The following RBFOX1 variants were observed in gnomAD, a reference collection of about 807,000 sequenced individuals.
The protein encoded by RBFOX1 is RNA binding protein fox-1 homolog 1.
In RBFOX1, 8 loss-of-function variants were observed where a neutral mutation model predicts 57.7. That is an observed-to-expected ratio of 0.14 (90% CI 0.08 to 0.25). The LOEUF (loss-of-function observed/expected upper bound fraction) is 0.25, where lower values mean the gene tolerates loss of function less well. Ranked by LOEUF, RBFOX1 falls within the 10% of genes least tolerant of loss-of-function variation. The pLI is 1.00. For synonymous variants in RBFOX1, 326 were observed against 222.4 expected (o/e 1.47, Z -4.15); for missense variants, 611 against 548.5 (o/e 1.11, Z -1.14).
At chr16:5,369,026 G>A (rs572219256) in intron 1 of RBFOX1, among the ~76,000 whole-genome samples, 15 of 152,248 alleles carry the variant, frequency 9.9e-5, no homozygotes, top group Non-Finnish European at 2.1e-4. Context: ...GTTTTGAGAC[G>A]AGTCTTGCTC....
chr16:5,608,116 G>T (rs2047651953), intron 3 of RBFOX1, among the ~76,000 whole-genome samples: 1 of 152,206 alleles, frequency 6.6e-6, no homozygotes, highest in South Asian at 2.1e-4. Context: ...TTGTTCCAGT[G>T]CTCATTCCCA....
intron 1 of RBFOX1, among the ~76,000 whole-genome samples, chr16:5,436,336 G>C (rs1169833872): frequency 6.6e-6 from 1 of 152,172 alleles, no homozygotes; most frequent in Non-Finnish European, 1.5e-5. Flanking sequence ...TGGTGGATTA[G>C]TTCAGGGGCT....
intron 3 of RBFOX1, among the ~76,000 whole-genome samples, chr16:6,772,555 G>A: frequency 6.6e-6 from 1 of 151,492 alleles, no homozygotes; most frequent in East Asian, 2.0e-4. Context: ...GTATGTGTAT[G>A]TGTGGGGTGC....
chr16:7,709,366 G>C, intron 15 of RBFOX1: 1 of 1,111,764 alleles, frequency 9.0e-7, no homozygotes. Context: ...GTCTCACCTA[G>C]CAGAGCACTT....
chr16:7,140,444 A>G (rs2073454240), intron 4 of RBFOX1, among the ~76,000 whole-genome samples: 1 of 151,804 alleles, frequency 6.6e-6, no homozygotes, highest in Admixed American at 6.6e-5. Flanking sequence ...TAACTTCCCA[A>G]ATATGTAGTT....
At chr16:5,741,127 G>A (rs1300237352) in intron 3 of RBFOX1, among the ~76,000 whole-genome samples, 1 of 152,184 alleles carries the variant, frequency 6.6e-6, no homozygotes, top group Non-Finnish European at 1.5e-5. Flanking sequence ...CTGGGATAGT[G>A]GTCCAGTGTC....
At chr16:7,132,147 A>T (rs1439979348) in intron 4 of RBFOX1, among the ~76,000 whole-genome samples, 1 of 151,694 alleles carries the variant, frequency 6.6e-6, no homozygotes, top group African/African-American at 2.4e-5. Flanking sequence ...TGCCCAGCTA[A>T]TTTTTGTATT....
chr16:6,558,915 C>G (rs550982828), intron 2 of RBFOX1, among the ~76,000 whole-genome samples: 1 of 152,212 alleles, frequency 6.6e-6, no homozygotes, highest in South Asian at 2.1e-4. Context: ...ATGTGCCCCT[C>G]CTGCCTCACC....
chr16:6,768,192 A>G (rs934118099), intron 3 of RBFOX1, among the ~76,000 whole-genome samples: 7 of 152,034 alleles, frequency 4.6e-5, no homozygotes, highest in Admixed American at 2.0e-4. Flanking sequence ...GCTAGACTCC[A>G]TCTCAAAAAA....
At chr16:7,239,862 C>G (rs950304770) in intron 4 of RBFOX1, among the ~76,000 whole-genome samples, 3 of 150,196 alleles carry the variant, frequency 2.0e-5, no homozygotes, top group African/African-American at 7.3e-5. Flanking sequence ...TACTTGAAAA[C>G]TGGGCCCATA....
intron 2 of RBFOX1, among the ~76,000 whole-genome samples, chr16:6,486,794 G>T (rs62016820): frequency 0.19 from 29,319 of 151,794 alleles, 2,838 homozygotes; most frequent in Middle Eastern, 0.26. Flanking sequence ...TTTCATGCAG[G>T]GTTGTGTGTT....
chr16:6,115,512 A>G (rs2096488468), intron 1 of RBFOX1, among the ~76,000 whole-genome samples: 1 of 152,150 alleles, frequency 6.6e-6, no homozygotes, highest in Non-Finnish European at 1.5e-5. Flanking sequence ...GGTGGGCTAT[A>G]GTGAGATCTG....
chr16:6,580,471 C>G (rs931221403), intron 2 of RBFOX1, among the ~76,000 whole-genome samples: 2 of 152,180 alleles, frequency 1.3e-5, no homozygotes, highest in African/African-American at 4.8e-5. Context: ...CAATAATAAA[C>G]AGCAGGCAAG....
chr16:6,599,022 C>G (rs141054123), intron 2 of RBFOX1, among the ~76,000 whole-genome samples: 93 of 152,246 alleles, frequency 6.1e-4, no homozygotes, highest in African/African-American at 2.0e-3. Context: ...CTGACAAGAT[C>G]TGTCTCATAA....
chr16:5,566,125 C>T (rs1236094214), intron 2 of RBFOX1, among the ~76,000 whole-genome samples: 1 of 152,058 alleles, frequency 6.6e-6, no homozygotes, highest in Non-Finnish European at 1.5e-5. Context: ...TCCATTAAAC[C>T]TTTTTTTCTT....
chr16:7,555,244 A>T (rs1312441372), intron 5 of RBFOX1, among the ~76,000 whole-genome samples: 2 of 152,178 alleles, frequency 1.3e-5, no homozygotes, highest in African/African-American at 2.4e-5. Flanking sequence ...AAGCCTTCTG[A>T]TGACTCCCCC....
At chr16:7,256,952 C>G (rs941060208) in intron 4 of RBFOX1, among the ~76,000 whole-genome samples, 1 of 152,144 alleles carries the variant, frequency 6.6e-6, no homozygotes. Flanking sequence ...CTTTCTGTTT[C>G]TCCTGTGGCA....
chr16:6,294,306 A>G (rs1437670473), intron 1 of RBFOX1, among the ~76,000 whole-genome samples: 1 of 152,220 alleles, frequency 6.6e-6, no homozygotes, highest in Non-Finnish European at 1.5e-5. Context: ...ATCAGCTTGT[A>G]AGCTTATTAG....
chr16:5,266,893 A>T (rs945083377), intron 1 of RBFOX1, among the ~76,000 whole-genome samples: 6 of 151,708 alleles, frequency 4.0e-5, no homozygotes, highest in African/African-American at 1.5e-4. Context: ...TACTGTGTTG[A>T]CCTCTTCTAT....
Sources: gnomAD v4.1 joint callset for allele counts (sites outside exome capture counted in the v4.1 genomes callset) on GRCh38, gnomAD v4.1.1 for gene constraint, MANE v1.5 for transcripts, NCBI Gene and HGNC (gene_info 2026-07-23, HGNC 2026-07-21) for gene names.